Variants in MGAT4C observed in about 807,000 individuals in gnomAD.
MGAT4C encodes the protein alpha-1,3-mannosyl-glycoprotein 4-beta-N-acetylglucosaminyltransferase C.
MGAT4C carries 19 observed loss-of-function variants against 40.1 expected under a neutral mutation model. The ratio of observed to expected loss-of-function variants is 0.47; its 90% CI spans 0.33 to 0.70. The LOEUF is 0.70. Among genes scored for constraint, MGAT4C ranks in the 30% least tolerant of loss-of-function variants. MGAT4C has a pLI of 0.02. For missense variants in MGAT4C, 491 were observed against 563.2 expected, an observed-to-expected ratio of 0.87 and a Z score of 1.30; for synonymous variants, 181 against 187.1, an observed-to-expected ratio of 0.97 and a Z score of 0.27.
intron 1 of MGAT4C, among the ~76,000 whole-genome samples, chr12:86,824,995 G>A (rs758993339): frequency 1.3e-5 from 2 of 151,256 alleles, no homozygotes; most frequent in Non-Finnish European, 3.0e-5. Flanking sequence ...TTCATGAACT[G>A]TTTCTGATCT....
In MGAT4C at chr12:85,979,649, C is replaced by T. The variant is rs1884312716; in HGVS notation, c.1077G>A (p.Lys359=). 1 of 1,612,504 alleles carries T rather than the reference C, an allele frequency of 6.2e-7. No individual in the cohort carries two copies. The highest frequency in any genetic ancestry group is 8.5e-7 in the Non-Finnish European group (1 of 1,179,728). The part of the protein sequence containing the change: ...MNVFENYEAS[K]AYSSVDEYFW... ...AGTACTCATCAACACTACTGTAAGC[C>T]TTGCTTGCTTCATAATTTTCAAACA... is the stretch of plus-strand genomic sequence containing the variant. Residue 359 remains lysine, a synonymous_variant, in exon 5 of 5, where the codon AAG becomes AAA. Coordinates refer to ENST00000611864, the MANE Select transcript of MGAT4C (RefSeq NM_001351288.2).
chr12:86,627,486 A>G (rs1230256313), intron 2 of MGAT4C, among the ~76,000 whole-genome samples: 1 of 534 alleles, frequency 1.9e-3, no homozygotes, highest in Non-Finnish European at 0.029. Context: ...CTGACACTTC[A>G]TACAGCTGGT....
chr12:86,709,224 C>T (rs1357500973), intron 2 of MGAT4C, among the ~76,000 whole-genome samples: 5 of 152,146 alleles, frequency 3.3e-5, no homozygotes, highest in Non-Finnish European at 7.4e-5. Flanking sequence ...CAAGTTCTCT[C>T]CTGCCTGTTG....
At chr12:86,198,908 T>C (rs977243690) in intron 1 of MGAT4C, among the ~76,000 whole-genome samples, 57 of 152,326 alleles carry the variant, frequency 3.7e-4, no homozygotes, top group African/African-American at 1.3e-3. Flanking sequence ...CTCAGATAGC[T>C]GTGTGGAGCA....
intron 2 of MGAT4C, among the ~76,000 whole-genome samples, chr12:86,450,370 T>C (rs1024445540): frequency 6.6e-6 from 1 of 152,188 alleles, no homozygotes; most frequent in African/African-American, 2.4e-5. Context: ...TCTGTATAAA[T>C]GTATGTATTC....
chr12:86,042,701 T>TAA (rs199784514), intron 2 of MGAT4C, among the ~76,000 whole-genome samples: 1 of 150,882 alleles, frequency 6.6e-6, no homozygotes, highest in African/African-American at 2.4e-5. Flanking sequence ...CCATCTCTAC[T>TAA]AAAAAAAATA....
intron 3 of MGAT4C, among the ~76,000 whole-genome samples, chr12:86,365,987 C>A (rs1208833378): frequency 6.6e-6 from 1 of 152,140 alleles, no homozygotes; most frequent in Non-Finnish European, 1.5e-5. Context: ...GCAGTATGGC[C>A]ATTTTAACAA....
Position 86,324,606 on chromosome 12 carries a change from T to C in MGAT4C, c.-57+9459A>G, listed in dbSNP as rs150059380. On this transcript the variant is annotated intron_variant, in intron 4 of 7. Coordinates refer to the MGAT4C transcript ENST00000548651. Reference sequence around the variant, plus strand: ...AGGGAAAATATATAAATAACATTAATTGTACCATTTAGAATATTCTAATTT... The same window carrying C: ...AGGGAAAATATATAAATAACATTAACTGTACCATTTAGAATATTCTAATTT... Among the ~76,000 whole-genome samples the C allele has an allele frequency of 2.1e-3, 314 of 152,128 alleles. 1 individual carries two copies. The highest frequency in any genetic ancestry group is 7.4e-3 in the African/African-American group (307 of 41,564).
At chr12:86,197,367 A>G (rs1949855977) in intron 1 of MGAT4C, among the ~76,000 whole-genome samples, 1 of 152,188 alleles carries the variant, frequency 6.6e-6, no homozygotes, top group Non-Finnish European at 1.5e-5. Context: ...ATATGTATAC[A>G]TTTATACACA....
At chr12:86,578,874 T>G (rs1026783584) in intron 2 of MGAT4C, among the ~76,000 whole-genome samples, 1 of 151,634 alleles carries the variant, frequency 6.6e-6, no homozygotes, top group Admixed American at 6.6e-5. Flanking sequence ...TTTTTTCTTC[T>G]AATGTTTTTG....
At chr12:86,348,196 G>T (rs1270558607) in intron 3 of MGAT4C, among the ~76,000 whole-genome samples, 1 of 152,080 alleles carries the variant, frequency 6.6e-6, no homozygotes, top group African/African-American at 2.4e-5. Context: ...TGACACTTCA[G>T]CAATAAATGT....
chr12:86,775,734 T>G (rs1447963775), intron 1 of MGAT4C, among the ~76,000 whole-genome samples: 1 of 151,752 alleles, frequency 6.6e-6, no homozygotes, highest in Non-Finnish European at 1.5e-5. Context: ...ATAATGGTGC[T>G]CAAATGCACA....
rs1469189825 is a variant in MGAT4C at position 86,802,655 on chromosome 12, C to T, written c.-262+36011G>A. 2.7e-5 allele frequency among the ~76,000 whole-genome samples: 4 copies of T among 150,644 alleles called. No individual in the cohort carries two copies. In the East Asian group the frequency reaches 7.8e-4, roughly 30 times the overall value. ...AGAGAGCCAAATCATGAGTGAACTCCCATTCACAATTGCTTCAAAGAGAAT... is the reference window on the plus strand; with the variant it reads ...AGAGAGCCAAATCATGAGTGAACTCTCATTCACAATTGCTTCAAAGAGAAT... On this transcript the variant is annotated intron_variant, in intron 1 of 7. Transcript: ENST00000548651.
chr12:86,703,429 T>C (rs1050611111), intron 2 of MGAT4C, among the ~76,000 whole-genome samples: 4 of 152,082 alleles, frequency 2.6e-5, no homozygotes, highest in Non-Finnish European at 5.9e-5. Flanking sequence ...TTTAAGAAAT[T>C]ACCATAGCCA....
intron 1 of MGAT4C, among the ~76,000 whole-genome samples, chr12:86,121,374 C>G (rs918843252): frequency 1.3e-5 from 2 of 152,090 alleles, no homozygotes; most frequent in Non-Finnish European, 2.9e-5. Flanking sequence ...GGCCAACATT[C>G]AAATTCAGGA....
At chr12:86,258,060 T>C (rs1952574540), upstream of MGAT4C, among the ~76,000 whole-genome samples, 1 of 152,090 alleles carries the variant, frequency 6.6e-6, no homozygotes, top group South Asian at 2.1e-4. Flanking sequence ...ATCAAATGCG[T>C]TAATTTTAAA....
At chr12:86,338,346 T>G (rs1954833356) in intron 3 of MGAT4C, among the ~76,000 whole-genome samples, 1 of 152,130 alleles carries the variant, frequency 6.6e-6, no homozygotes, top group African/African-American at 2.4e-5. Flanking sequence ...ATACATCAAG[T>G]GCAGGGTCTG....
intron 3 of MGAT4C, among the ~76,000 whole-genome samples, chr12:86,354,915 G>A (rs1955272535): frequency 6.6e-6 from 1 of 152,220 alleles, no homozygotes; most frequent in Non-Finnish European, 1.5e-5. Flanking sequence ...AAGAGCAAAA[G>A]AACAAAGTTT....
intron 2 of MGAT4C, among the ~76,000 whole-genome samples, chr12:86,703,704 T>A (rs977469643): frequency 6.6e-6 from 1 of 152,206 alleles, no homozygotes; most frequent in African/African-American, 2.4e-5. Context: ...TTTATTGTGA[T>A]ATTCACTTTA....
Sources: gnomAD v4.1 joint callset for allele counts (sites outside exome capture counted in the v4.1 genomes callset) on GRCh38, gnomAD v4.1.1 for gene constraint, MANE v1.5 for transcripts, NCBI Gene and HGNC (gene_info 2026-07-23, HGNC 2026-07-21) for gene names.